The following DOCK2 variants were observed in gnomAD, a reference collection of about 807,000 sequenced individuals.
DOCK2 encodes dedicator of cytokinesis 2.
A neutral mutation model predicts 248.9 loss-of-function variants in DOCK2; 87 were observed. That is an observed-to-expected ratio of 0.35 (90% CI 0.29 to 0.42). DOCK2 has a LOEUF of 0.42. DOCK2 is among the 10% of genes least tolerant of loss of function. The pLI is 1.00. For missense variants in DOCK2, 1,747 were observed against 2,300.2 expected (o/e 0.76, Z 4.92); for synonymous variants, 805 against 821.6 (o/e 0.98, Z 0.35).
At chr5:169,864,301 A>G (rs1237731102) in intron 27 of DOCK2, 1 of 1,551,132 alleles carries the variant, frequency 6.4e-7, no homozygotes, top group South Asian at 1.2e-5. Context: ...TTTCTTTTTC[A>G]CCTTCTTGGT....
chr5:169,744,901 C>T (rs1353263941), intron 22 of DOCK2, among the ~76,000 whole-genome samples: 1 of 152,146 alleles, frequency 6.6e-6, no homozygotes, highest in African/African-American at 2.4e-5. Flanking sequence ...CTGGGCAGAA[C>T]TCCCCACCAC....
chr5:169,695,710 A>T, intron 9 of DOCK2, 93 bp from the exon 10 acceptor site: 1 of 1,560,198 alleles, frequency 6.4e-7, no homozygotes, highest in South Asian at 1.2e-5. Flanking sequence ...TATTATATAC[A>T]TCCCTCAGAA....
At chr5:169,773,224 G>A (rs1353267855) in intron 25 of DOCK2, 2 of 152,168 alleles carry the variant, frequency 1.3e-5, no homozygotes, top group Non-Finnish European at 2.9e-5. Context: ...TTAATGTGCT[G>A]CAGAACAAGT....
At chr5:169,784,141 CA>C (rs1351279313) in intron 25 of DOCK2, among the ~76,000 whole-genome samples, 1 of 149,602 alleles carries the variant, frequency 6.7e-6, no homozygotes, top group African/African-American at 2.5e-5. Context: ...TTTTTTTTCT[CA>C]ACACAACAGT....
At chr5:170,041,476 A>C (rs1305015372) in intron 37 of DOCK2, among the ~76,000 whole-genome samples, 1 of 152,212 alleles carries the variant, frequency 6.6e-6, no homozygotes, top group Non-Finnish European at 1.5e-5. Context: ...GCTGGGAAAA[A>C]AATCAGAATG....
intron 22 of DOCK2, among the ~76,000 whole-genome samples, chr5:169,736,238 C>G (rs766268166): frequency 2.0e-5 from 3 of 152,140 alleles, no homozygotes; most frequent in Admixed American, 6.5e-5. Context: ...TCTTTCACCC[C>G]TCGTGGCTTG....
At chr5:169,858,737 G>A (rs971941154) in intron 27 of DOCK2, among the ~76,000 whole-genome samples, 5 of 152,174 alleles carry the variant, frequency 3.3e-5, no homozygotes, top group African/African-American at 4.8e-5. Context: ...GTACGGTGTC[G>A]TGCACCTGTA....
At chr5:169,789,170 C>A (rs1766172252) in intron 25 of DOCK2, among the ~76,000 whole-genome samples, 1 of 152,180 alleles carries the variant, frequency 6.6e-6, no homozygotes, top group South Asian at 2.1e-4. Flanking sequence ...TCCACTCATA[C>A]CTTTGGACAT....
chr5:169,753,717 T>G (rs969690794), intron 23 of DOCK2, among the ~76,000 whole-genome samples: 2 of 152,168 alleles, frequency 1.3e-5, no homozygotes, highest in African/African-American at 4.8e-5. Flanking sequence ...ACAGAAAGGA[T>G]GGAAACACAC....
intron 26 of DOCK2, among the ~76,000 whole-genome samples, chr5:169,824,514 C>A (rs1431540801): frequency 6.6e-6 from 1 of 152,094 alleles, no homozygotes; most frequent in Non-Finnish European, 1.5e-5. Flanking sequence ...GAAAAACAAG[C>A]AATGGGGAAA....
At chr5:170,006,633 G>A (rs1403988441) in intron 30 of DOCK2, among the ~76,000 whole-genome samples, 1 of 152,188 alleles carries the variant, frequency 6.6e-6, no homozygotes, top group Non-Finnish European at 1.5e-5. Flanking sequence ...AATCCCTAGA[G>A]CAGTTTGTTT....
intron 32 of DOCK2, among the ~76,000 whole-genome samples, chr5:170,012,328 A>G (rs142242065): frequency 0.014 from 2,116 of 152,214 alleles, 21 homozygotes; most frequent in Non-Finnish European, 0.021. Context: ...GGTGTGAAAT[A>G]ACCAACGACC....
At chr5:169,791,024 T>C (rs1766305204) in intron 25 of DOCK2, among the ~76,000 whole-genome samples, 1 of 152,234 alleles carries the variant, frequency 6.6e-6, no homozygotes, top group Non-Finnish European at 1.5e-5. Context: ...CCACCTAGTT[T>C]CCTCAAGGAT....
At chr5:169,649,291 AG>A (rs540312884) in intron 1 of DOCK2, among the ~76,000 whole-genome samples, 33 of 152,326 alleles carry the variant, frequency 2.2e-4, no homozygotes, top group Middle Eastern at 6.8e-3. Flanking sequence ...GCCCCAGATG[AG>A]GTACGAATCC....
intron 26 of DOCK2, among the ~76,000 whole-genome samples, chr5:169,814,474 G>A (rs261012): frequency 6.6e-6 from 1 of 151,978 alleles, no homozygotes. Context: ...AATCATGGAC[G>A]AGAAAATGGA....
intron 26 of DOCK2, among the ~76,000 whole-genome samples, chr5:169,820,096 C>T (rs895256634): frequency 2.6e-5 from 4 of 152,188 alleles, no homozygotes; most frequent in African/African-American, 9.7e-5. Flanking sequence ...ATAGCTGAGG[C>T]TTGAGTAGGT....
chr5:169,875,225 G>A (rs144189363), intron 27 of DOCK2: 121 of 456,612 alleles, frequency 2.6e-4, no homozygotes, highest in African/African-American at 2.3e-3. Flanking sequence ...ACCATTCCCA[G>A]GGAGCTTGCT....
chr5:169,804,455 T>A (rs1767190946), intron 26 of DOCK2, among the ~76,000 whole-genome samples: 1 of 72,058 alleles, frequency 1.4e-5, no homozygotes, highest in Non-Finnish European at 3.7e-5. Context: ...TGTGTGTGTG[T>A]GTGTGTGTGT....
At chr5:170,056,534 G>A in intron 42 of DOCK2, 150 bp from the exon 43 acceptor site, 1 of 610,708 alleles carries the variant, frequency 1.6e-6, no homozygotes, top group Non-Finnish European at 2.9e-6. Context: ...ACGGAGCCCA[G>A]AACACAGACC....
Sources: allele counts gnomAD v4.1 joint callset (sites outside exome capture counted in the v4.1 genomes callset), GRCh38; gene constraint gnomAD v4.1.1; transcripts MANE v1.5; gene names NCBI Gene and HGNC (gene_info 2026-07-23, HGNC 2026-07-21).